Variants in PTPRN2 observed in about 807,000 individuals in gnomAD.
The protein encoded by PTPRN2 is receptor-type tyrosine-protein phosphatase N2.
A neutral mutation model predicts 118.8 loss-of-function variants in PTPRN2; 74 were observed. The ratio of observed to expected loss-of-function variants is 0.62; its 90% CI spans 0.52 to 0.76. PTPRN2 has a LOEUF of 0.76. PTPRN2 is among the 30% of genes least tolerant of loss of function. The probability of loss-of-function intolerance (pLI) is 0.00; values close to 1 mark genes in which losing one functional copy is unlikely to be tolerated. For missense variants in PTPRN2, 1,481 were observed against 1,394.4 expected (o/e 1.06, Z -0.99); for synonymous variants, 641 against 608.0 (o/e 1.05, Z -0.80).
At chr7:158,355,952 G>T (rs1040287379) in intron 2 of PTPRN2, among the ~76,000 whole-genome samples, 1 of 152,156 alleles carries the variant, frequency 6.6e-6, no homozygotes, top group Non-Finnish European at 1.5e-5. Flanking sequence ...GTGGTTCCAG[G>T]CGCCACCACC....
chr7:157,926,891 A>C (rs543976099), intron 11 of PTPRN2, among the ~76,000 whole-genome samples: 28 of 150,872 alleles, frequency 1.9e-4, no homozygotes, highest in African/African-American at 5.3e-4. Context: ...CACTGTCTGC[A>C]AGCAAAGCCC....
At chr7:158,472,587 T>C (rs770585412) in intron 2 of PTPRN2, among the ~76,000 whole-genome samples, 2 of 152,268 alleles carry the variant, frequency 1.3e-5, no homozygotes, top group African/African-American at 2.4e-5. Context: ...GAGAGCAGGT[T>C]CCAAAGCAGC....
intron 12 of PTPRN2, among the ~76,000 whole-genome samples, chr7:157,859,752 ACC>A (rs1262114002): frequency 1.2e-5 from 1 of 82,858 alleles, no homozygotes. Context: ...CCCGGCCACC[ACC>A]CACACTCCTG....
At chr7:158,072,129 C>CCCGTGGTGGTGG in intron 11 of PTPRN2, among the ~76,000 whole-genome samples, 1 of 147,688 alleles carries the variant, frequency 6.8e-6, no homozygotes, top group Non-Finnish European at 1.5e-5. Context: ...TGGAGGTGCT[C>CCCGTGGTGGTGG]ATGTAGGATC....
intron 2 of PTPRN2, among the ~76,000 whole-genome samples, chr7:158,352,934 C>T (rs139931215): frequency 2.6e-4 from 40 of 152,344 alleles, no homozygotes; most frequent in African/African-American, 9.6e-4. Flanking sequence ...GGGCCTGCAC[C>T]AGGCCACCCA....
At chr7:157,701,946 GT>G (rs1798092136) in intron 12 of PTPRN2, among the ~76,000 whole-genome samples, 1 of 150,078 alleles carries the variant, frequency 6.7e-6, no homozygotes, top group Non-Finnish European at 1.5e-5. Context: ...AGAAAGCCCG[GT>G]CGGTGCTGGT....
At chr7:157,762,790 G>T (rs1209829067) in intron 12 of PTPRN2, among the ~76,000 whole-genome samples, 3 of 152,070 alleles carry the variant, frequency 2.0e-5, no homozygotes. Context: ...AGAGCCAAAG[G>T]AGAGAGGTGG....
chr7:157,612,168 G>A (rs1469068371), intron 15 of PTPRN2, among the ~76,000 whole-genome samples: 2 of 152,232 alleles, frequency 1.3e-5, no homozygotes, highest in South Asian at 4.1e-4. Flanking sequence ...GCGCCGCCTG[G>A]AGCCAGCCTG....
intron 18 of PTPRN2, among the ~76,000 whole-genome samples, chr7:157,576,986 G>A (rs1032531316): frequency 6.6e-5 from 10 of 152,358 alleles, no homozygotes; most frequent in African/African-American, 2.2e-4. Flanking sequence ...CTCCGTGCGG[G>A]TGTGTGTGCT....
chr7:158,155,355 T>C (rs1306878110), intron 6 of PTPRN2, among the ~76,000 whole-genome samples: 3 of 152,180 alleles, frequency 2.0e-5, no homozygotes, highest in East Asian at 3.9e-4. Context: ...CAGCTTTTGC[T>C]CCTAAGTGCC....
intron 12 of PTPRN2, among the ~76,000 whole-genome samples, chr7:157,812,623 G>A (rs779358709): frequency 6.6e-6 from 1 of 152,186 alleles, no homozygotes; most frequent in Non-Finnish European, 1.5e-5. Context: ...AGCTGTAAGC[G>A]AGAGAGATGA....
At chr7:157,636,993 A>C (rs1804359456) in intron 14 of PTPRN2, among the ~76,000 whole-genome samples, 1 of 152,234 alleles carries the variant, frequency 6.6e-6, no homozygotes, top group Non-Finnish European at 1.5e-5. Flanking sequence ...AGTTGGAAAA[A>C]ACTATATTTC....
At chr7:158,342,758 G>A (rs1474064707) in intron 2 of PTPRN2, among the ~76,000 whole-genome samples, 3 of 152,144 alleles carry the variant, frequency 2.0e-5, no homozygotes, top group Admixed American at 6.5e-5. Flanking sequence ...TAGAGGAATG[G>A]GCAGCGGCAG....
Position 158,223,597 on chromosome 7 carries a change from T to G in PTPRN2, c.278-18324A>C, listed in dbSNP as rs151174384. On this transcript the variant is annotated intron_variant, in intron 3 of 22. Transcript: ENST00000389418. ...TACAGCAATCGATGCAGAAAAGACATTTAAAAAATTCAACACTCATTCATG... is the reference window on the plus strand; with the variant it reads ...TACAGCAATCGATGCAGAAAAGACAGTTAAAAAATTCAACACTCATTCATG... 7.2e-4 allele frequency among the ~76,000 whole-genome samples: 109 copies of G among 152,182 alleles called. 1 individual carries two copies. Among genetic ancestry groups the G allele is most frequent in the Non-Finnish European group, 1.8e-4 (12 of 67,972 alleles).
chr7:158,375,383 C>T (rs1563216798), intron 2 of PTPRN2, among the ~76,000 whole-genome samples: 1 of 152,224 alleles, frequency 6.6e-6, no homozygotes, highest in Non-Finnish European at 1.5e-5. Flanking sequence ...TGTCTTGGGG[C>T]AGACATTTTA....
intron 9 of PTPRN2, among the ~76,000 whole-genome samples, chr7:158,129,202 A>C (rs183225903): frequency 4.7e-5 from 7 of 150,322 alleles, no homozygotes; most frequent in Admixed American, 1.3e-4. Flanking sequence ...TACACACCAC[A>C]AACAGATAAG....
At chr7:158,347,683 A>G (rs1807615470) in intron 2 of PTPRN2, among the ~76,000 whole-genome samples, 1 of 150,560 alleles carries the variant, frequency 6.6e-6, no homozygotes, top group Non-Finnish European at 1.5e-5. Context: ...GAAACTATAG[A>G]TTGCTCTAGG....
In PTPRN2 at chr7:157,748,593, G is replaced by T. The variant is rs116015176; in HGVS notation, c.1789-65656C>A. ...AGCTCTGGGGTGTCTGGGTGATTCT[G>T]AGGTCTGCGTCCCTGAGCTGTGGGC... is the stretch of plus-strand genomic sequence containing the variant. On this transcript the variant is annotated intron_variant, in intron 12 of 22. Transcript: ENST00000389418. Among the ~76,000 whole-genome samples, 42 of 133,962 alleles carry T rather than the reference G, an allele frequency of 3.1e-4. 5 individuals are homozygous for T. Among genetic ancestry groups the T allele is most frequent in the East Asian group, 8.0e-4 (3 of 3,762 alleles). The allele number at this position is 133,962 out of a possible 152,430, so 87.9% of individuals were successfully genotyped here. A position where few individuals can be genotyped will look rare whatever the true frequency, so the allele number is the denominator to read the frequency against.
chr7:158,503,287 C>T (rs1822506712), intron 1 of PTPRN2, among the ~76,000 whole-genome samples: 1 of 152,274 alleles, frequency 6.6e-6, no homozygotes, highest in Non-Finnish European at 1.5e-5. Flanking sequence ...TCACATTTGA[C>T]TCAGATACCC....
Sources: allele counts gnomAD v4.1 joint callset (sites outside exome capture counted in the v4.1 genomes callset), GRCh38; gene constraint gnomAD v4.1.1; transcripts MANE v1.5; gene names NCBI Gene and HGNC (gene_info 2026-07-23, HGNC 2026-07-21).